Variants in MAN2C1 observed in about 807,000 individuals in gnomAD.
MAN2C1 encodes the protein mannosidase alpha class 2C member 1.
In MAN2C1, 111 loss-of-function variants were observed where a neutral mutation model predicts 126.9. The observed-to-expected ratio is 0.87, with a 90% CI of 0.75 to 1.02. The LOEUF is 1.02. MAN2C1 is among the 50% of genes least tolerant of loss of function. MAN2C1 has a pLI of 0.00. For missense variants in MAN2C1, 1,363 were observed against 1,364.4 expected (o/e 1.00, Z 0.02); for synonymous variants, 567 against 561.5 (o/e 1.01, Z -0.14).
Position 75,359,339 on chromosome 15 carries a change from C to A in MAN2C1, c.2035G>T (p.Val679Leu), listed in dbSNP as rs774815821. ...QPLLPQQPVF[V>L]VQETDGSVTL... ...CATGCAGGACTCACCTCTTGCACTA[C>A]GAACACAGGCTGCTGGGGCAGCAGG... The change falls in exon 17 of 26, where the codon GTA (valine) becomes TTA (leucine). Residue 679 changes from valine to leucine, a missense_variant. Around this residue, in one of 3 missense-constraint regions of MAN2C1, gnomAD observed 668 missense variants for 650.1 expected, o/e 1.03. Transcript: ENST00000267978. The A allele has an allele frequency of 1.9e-6, 3 of 1,593,788 alleles. No homozygotes were observed. Among genetic ancestry groups the A allele is most frequent in the South Asian group, 2.3e-5 (2 of 87,708 alleles).
At position 75,368,589 on chromosome 15, in the gene MAN2C1, G is replaced by T; in HGVS notation, c.-6C>A. ...AAGGCCGGCGCAGCCGCCATCGCCG[G>T]GCTCTCGCTCCTCTTTCCGGAAGGC... is the stretch of plus-strand genomic sequence containing the variant. On this transcript the variant is annotated 5_prime_UTR_variant, in exon 1 of 26. Transcript: ENST00000267978. The T allele has an allele frequency of 6.5e-7, 1 of 1,538,818 alleles. No individual in the cohort carries two copies. Among genetic ancestry groups the T allele is most frequent in the Non-Finnish European group, 8.8e-7 (1 of 1,142,680 alleles).
In MAN2C1 at chr15:75,364,673, G is replaced by T; in HGVS notation, c.423-8C>A. The T allele has an allele frequency of 6.2e-7, 1 of 1,603,922 alleles. No homozygotes were observed. Among genetic ancestry groups the T allele is most frequent in the Non-Finnish European group, 8.5e-7 (1 of 1,174,214 alleles). On this transcript the variant is annotated splice_polypyrimidine_tract_variant and splice_region_variant and intron_variant, in intron 4 of 25. Transcript: ENST00000267978. ...TCCACATAGAGAGTGAGGCTACAAA[G>T]ATGGGGAGACAGCCTCAGGCTAAGG...
In MAN2C1 at chr15:75,363,885, G is replaced by A. The variant is rs542398552; in HGVS notation, c.790+114C>T. ...GCCCCGTTTTACAGACGGGGAAAACGCAGGTCCAAGAGGAGCAAGAACTTG... is the reference window on the plus strand; with the variant it reads ...GCCCCGTTTTACAGACGGGGAAAACACAGGTCCAAGAGGAGCAAGAACTTG... On this transcript the variant is annotated intron_variant, in intron 6 of 25. Transcript: ENST00000267978. 1.0e-5 allele frequency: 12 copies of A among 1,150,618 alleles called. No homozygotes were observed. In the African/African-American group the frequency reaches 1.1e-4, roughly 11 times the overall value. 71.3% of individuals were successfully genotyped at this position (1,150,618 alleles called of 1,614,324 possible).
chr15:75,366,489 A>T (rs756634100), intron 4 of MAN2C1, 33 bp downstream of exon 4: 7 of 1,595,300 alleles, frequency 4.4e-6, no homozygotes, highest in Non-Finnish European at 6.0e-6. Flanking sequence ...TCCCTCCCTG[A>T]CAGCACTGGT....
At chr15:75,365,738 A>T (rs2072561399) in intron 4 of MAN2C1, 1 of 206,262 alleles carries the variant, frequency 4.8e-6, no homozygotes, top group Non-Finnish European at 1.0e-5. Flanking sequence ...AAAAAATCCA[A>T]AAAAACCCCC....
In MAN2C1 at chr15:75,358,467, T is replaced by C; in HGVS notation, c.2398A>G (p.Thr800Ala). 6.2e-7 allele frequency: 1 copy of C among 1,613,478 alleles called. No homozygotes were observed. The highest frequency in any genetic ancestry group is 8.5e-7 in the Non-Finnish European group (1 of 1,179,956). The change falls in exon 20 of 26, where the codon ACC becomes GCC. Residue 800 changes from threonine to alanine, a missense_variant. Thr to Ala is a moderately conservative substitution (Grantham distance 58). Transcript: ENST00000267978. ...ACCCCCTACCCCCCGACTACCTCGG[T>C]GTGGAAGCGGACATAGGGGCAGCCA... ...DVGCPYVRFH[T>A]EVHWHEAHKF...
At chr15:75,364,857 G>T (rs1370710258) in intron 4 of MAN2C1, among the ~76,000 whole-genome samples, 192 bp from the exon 5 acceptor site, 1 of 152,234 alleles carries the variant, frequency 6.6e-6, no homozygotes, top group Non-Finnish European at 1.5e-5. Flanking sequence ...TGGATCCCAT[G>T]TCTTGCTGTC....
intron 3 of MAN2C1, among the ~76,000 whole-genome samples, chr15:75,366,855 G>C (rs753667325): frequency 6.6e-6 from 1 of 152,356 alleles, no homozygotes; most frequent in South Asian, 2.1e-4. Context: ...GAAGGGGTTA[G>C]GCAGCCTGAG....
chr15:75,360,098 G>A lies in MAN2C1; in HGVS notation c.1698C>T (p.His566=), dbSNP rs2072436585. The change falls in exon 14 of 26, where the codon CAC becomes CAT. Residue 566 remains histidine (H), a synonymous_variant. Coordinates refer to ENST00000267978, the MANE Select transcript of MAN2C1 (RefSeq NM_006715.4). ...GACAGAACTGGGCTGACCTCCAGAG[G>A]TGCTGCAGCTGGGCTGCTGGGTATA... ...QFLYPAAQLQ[H]LWRLLLLNQF... is the part of the protein sequence containing the mutation. 1 of 1,613,904 alleles carries A rather than the reference G, an allele frequency of 6.2e-7. No homozygotes were observed. The highest frequency in any genetic ancestry group is 1.3e-5 in the African/African-American group (1 of 74,946).
At position 75,362,308 on chromosome 15, in the gene MAN2C1, AC is replaced by A. The variant is rs1456670664; in HGVS notation, c.1008+34del. 6.3e-7 allele frequency: 1 copy of A among 1,581,664 alleles called. No individual in the cohort carries two copies. Among genetic ancestry groups the A allele is most frequent in the Admixed American group, 1.7e-5 (1 of 59,862 alleles). On this transcript the variant is annotated intron_variant, in intron 8 of 25. Coordinates refer to ENST00000267978, the MANE Select transcript of MAN2C1 (RefSeq NM_006715.4). This position sits in a 1 kb window ranked among gnomAD's most constrained non-coding sequence, Gnocchi z 4.5. ...CTACCTGAGGGAAGGCTGTTGTCAT[AC>A]AGTTCAAGGCTGAGGAGTGCCCAGT...
intron 3 of MAN2C1, among the ~76,000 whole-genome samples, chr15:75,367,197 T>C (rs995344329): frequency 2.0e-5 from 3 of 152,018 alleles, no homozygotes; most frequent in African/African-American, 7.3e-5. Context: ...GGACTAAACC[T>C]GATAAGGGTG....
At chr15:75,366,705 T>C in intron 3 of MAN2C1, 113 bp from the exon 4 acceptor site, 2 of 725,766 alleles carry the variant, frequency 2.8e-6, no homozygotes, top group Non-Finnish European at 4.4e-6. Context: ...CTGGGTCCTC[T>C]CTCCCAAGCA....
rs190134642 is a variant in MAN2C1, at chr15:75,356,787, A to C, written c.2657+6T>G. ...AGCTCCCAGGCCTGGTGGGTACCCC[A>C]CTTACAGCGAGAGGCTGAGGATGCT... On this transcript the variant is annotated splice_donor_region_variant and intron_variant, in intron 22 of 25. Transcript: ENST00000267978. The surrounding 1 kb of genome is among the most constrained non-coding windows in gnomAD (Gnocchi z 5.8). The C allele has an allele frequency of 5.0e-6, 8 of 1,613,976 alleles. No homozygotes were observed. The Admixed American group carries it at 1.0e-4, about 20-fold the overall frequency.
rs1288912759 is a variant in MAN2C1, at chr15:75,359,317, G to A, written c.2046+11C>T. 8.2e-6 allele frequency: 13 copies of A among 1,583,900 alleles called. No homozygotes were observed. Among genetic ancestry groups the A allele is most frequent in the African/African-American group, 1.3e-5 (1 of 74,380 alleles). On this transcript the variant is annotated intron_variant, in intron 17 of 25. Transcript: ENST00000267978. Reference sequence around the variant, plus strand: ...GCACAGTTCCTGCCCCCCAGGGCATGCAGGACTCACCTCTTGCACTACGAA... The same window carrying A: ...GCACAGTTCCTGCCCCCCAGGGCATACAGGACTCACCTCTTGCACTACGAA...
In MAN2C1 at chr15:75,368,076, G is replaced by T. The variant is rs776636173; in HGVS notation, c.224C>A (p.Pro75His). The part of the protein sequence containing the change: ...RPAQVGDSFG[P>H]TWWTCWFRVE... The stretch of plus-strand genomic sequence containing the variant: ...CCACCCGCTGGGCGTTACCTACGTG[G>T]GTCCGAAGCTGTCGCCGACCTGCGC... Residue 75 changes from proline (P) to histidine (H), a missense_variant, in exon 2 of 26, where the codon CCC (proline) becomes CAC (histidine). By Grantham distance (77) the Pro-to-His change is moderately conservative. Transcript: ENST00000267978. 6 of 1,606,268 alleles carry T rather than the reference G, an allele frequency of 3.7e-6. No individual in the cohort carries two copies. Among genetic ancestry groups the T allele is most frequent in the Non-Finnish European group, 5.1e-6 (6 of 1,177,574 alleles).
Position 75,364,006 on chromosome 15 carries a change from A to G in MAN2C1, c.783T>C (p.Ile261=). The G allele has an allele frequency of 6.2e-7, 1 of 1,614,034 alleles. No homozygotes were observed. Among genetic ancestry groups the G allele is most frequent in the Non-Finnish European group, 8.5e-7 (1 of 1,179,994 alleles). The part of the protein sequence containing the change: ...HTIHATGHCH[I]DTAWLWPFKE... ...AACCAGCTGCTGTCCTACCTGTATC[A>G]ATGTGGCAGTGCCCTGTGGCATGAA... The change falls in exon 6 of 26, where the codon ATT becomes ATC. Residue 261 remains isoleucine (I), a synonymous_variant. Coordinates refer to ENST00000267978, the MANE Select transcript of MAN2C1 (RefSeq NM_006715.4).
Position 75,361,824 on chromosome 15 carries a change from C to G in MAN2C1, c.1101+31G>C, listed in dbSNP as rs202134849. On this transcript the variant is annotated intron_variant, in intron 9 of 25. Transcript: ENST00000267978. The surrounding 1 kb of genome is among the most constrained non-coding windows in gnomAD (Gnocchi z 5.0). ...CAAGTCGAGCGCCAGCCCCACTCGC[C>G]CACAGCCTGGTGTAGCAGCTCTCAG... The G allele has an allele frequency of 2.2e-5, 35 of 1,610,032 alleles. No individual in the cohort carries two copies. In the East Asian group the frequency reaches 7.6e-4, roughly 35 times the overall value.
At position 75,361,758 on chromosome 15, in the gene MAN2C1, G is replaced by C. The variant is rs766989396; in HGVS notation, c.1102-38C>G. ...AGGATCCTGGAGTGCAGGAACCAGA[G>C]CTCCAGGCGGACTCACCCCAGCCTC... is the stretch of plus-strand genomic sequence containing the variant. On this transcript the variant is annotated intron_variant, in intron 9 of 25. Transcript: ENST00000267978. This position sits in a 1 kb window ranked among gnomAD's most constrained non-coding sequence, Gnocchi z 5.0. 6.3e-7 allele frequency: 1 copy of C among 1,590,402 alleles called. No individual in the cohort carries two copies. The highest frequency in any genetic ancestry group is 2.2e-5 in the East Asian group (1 of 44,778).
At position 75,363,836 on chromosome 15, in the gene MAN2C1, C is replaced by G. The variant is rs541343441; in HGVS notation, c.790+163G>C. On this transcript the variant is annotated intron_variant, in intron 6 of 25. Transcript: ENST00000267978. ...AAAAAAAAAGTGAATCCAAAGCAAG[C>G]AGAGCCCACAGTCCAGCCCCCCGGC... The G allele has an allele frequency of 1.3e-5, 9 of 695,610 alleles. No individual in the cohort carries two copies. The East Asian group carries it at 2.3e-4, about 18-fold the overall frequency. 43.1% of individuals were successfully genotyped at this position (695,610 alleles called of 1,614,324 possible).
Sources: allele counts gnomAD v4.1 joint callset (sites outside exome capture counted in the v4.1 genomes callset), GRCh38; gene constraint gnomAD v4.1.1; regional missense constraint gnomAD v4.1.1; non-coding constraint Gnocchi (gnomAD v3.1); transcripts MANE v1.5; gene names NCBI Gene and HGNC (gene_info 2026-07-23, HGNC 2026-07-21).